The following UNC5D variants were observed in gnomAD, a reference collection of about 807,000 sequenced individuals.
UNC5D encodes the protein netrin receptor UNC5D.
In UNC5D, 39 loss-of-function variants were observed where a neutral mutation model predicts 105.4. That is an observed-to-expected ratio of 0.37 (90% confidence interval 0.29 to 0.48). The LOEUF (loss-of-function observed/expected upper bound fraction) is 0.48, where lower values mean the gene tolerates loss of function less well. UNC5D is among the 20% of genes least tolerant of loss of function. UNC5D has a pLI of 0.98. For missense variants in UNC5D, 991 were observed against 1,202.4 expected (o/e 0.82, Z 2.60); for synonymous variants, 452 against 450.4 (o/e 1.00, Z -0.04).
intron 3 of UNC5D, among the ~76,000 whole-genome samples, chr8:35,588,492 G>A (rs1477581564): frequency 2.0e-5 from 3 of 152,114 alleles, no homozygotes; most frequent in South Asian, 4.1e-4. Context: ...GCAATCACTA[G>A]ATTTATGTGG....
At chr8:35,711,159 G>A (rs965771747) in intron 8 of UNC5D, among the ~76,000 whole-genome samples, 5 of 145,652 alleles carry the variant, frequency 3.4e-5, no homozygotes, top group African/African-American at 5.3e-5. Flanking sequence ...ATCTGGTCCC[G>A]GCTTTCTGTT....
Position 35,790,577 on chromosome 8 carries a change from A to T in UNC5D, c.*14A>T. ...AATGGACTCTAGTCCACTTCCTCCC[A>T]TGAGACAGAGTGATGGCCAGCTTGG... On this transcript the variant is annotated 3_prime_UTR_variant, in exon 17 of 17. Transcript: ENST00000404895. 1 of 1,613,346 alleles carries T rather than the reference A, an allele frequency of 6.2e-7. No individual in the cohort carries two copies. The highest frequency in any genetic ancestry group is 8.5e-7 in the Non-Finnish European group (1 of 1,179,656).
intron 1 of UNC5D, among the ~76,000 whole-genome samples, chr8:35,365,591 C>CAAAAAAAAAAAAAAAAAAAAAAAAAAA (rs10715369): frequency 2.8e-4 from 14 of 49,886 alleles, no homozygotes; most frequent in African/African-American, 4.8e-4. Flanking sequence ...CCATCCCCTG[C>CAAAAAAAAAAAAAAAAAAAAAAAAAAA]AAAAAAAAAA....
At chr8:35,602,033 T>A (rs2130930695) in intron 4 of UNC5D, among the ~76,000 whole-genome samples, 1 of 152,316 alleles carries the variant, frequency 6.6e-6, no homozygotes, top group East Asian at 1.9e-4. Context: ...GTCAAAGGCT[T>A]TTTCTGCATC....
chr8:35,730,255 G>T (rs1360241741), intron 10 of UNC5D, among the ~76,000 whole-genome samples: 1 of 152,180 alleles, frequency 6.6e-6, no homozygotes, highest in Non-Finnish European at 1.5e-5. Flanking sequence ...CGTTTTAGAG[G>T]AAGGAGAGGA....
At chr8:35,483,489 A>C (rs1245150381) in intron 1 of UNC5D, among the ~76,000 whole-genome samples, 1 of 152,206 alleles carries the variant, frequency 6.6e-6, no homozygotes, top group Non-Finnish European at 1.5e-5. Context: ...AGTCTTCCTG[A>C]AGCATACTAT....
At chr8:35,250,260 G>T (rs866699804) in intron 1 of UNC5D, among the ~76,000 whole-genome samples, 29 of 152,188 alleles carry the variant, frequency 1.9e-4, no homozygotes, top group South Asian at 1.0e-3. Context: ...CCAGGGTTTT[G>T]TTTGTTGTTG....
intron 7 of UNC5D, among the ~76,000 whole-genome samples, chr8:35,693,449 T>G (rs953821242): frequency 6.6e-6 from 1 of 152,162 alleles, no homozygotes; most frequent in East Asian, 1.9e-4. Flanking sequence ...CTGGCCTTCA[T>G]CCATTGGTTT....
chr8:35,394,146 C>A (rs1343164510), intron 1 of UNC5D, among the ~76,000 whole-genome samples: 2 of 151,980 alleles, frequency 1.3e-5, no homozygotes, highest in Non-Finnish European at 2.9e-5. Context: ...AGGGGTAGTT[C>A]TTCAAAAGCA....
intron 16 of UNC5D, among the ~76,000 whole-genome samples, chr8:35,787,664 C>G (rs182725582): frequency 6.6e-6 from 1 of 152,290 alleles, no homozygotes; most frequent in East Asian, 1.9e-4. Flanking sequence ...GCTGCCCAGC[C>G]TGGAATGCAG....
At chr8:35,387,011 G>GA (rs1260000329) in intron 1 of UNC5D, among the ~76,000 whole-genome samples, 1 of 120,416 alleles carries the variant, frequency 8.3e-6, no homozygotes, top group Admixed American at 8.7e-5. Flanking sequence ...TGGTGAGAAG[G>GA]AATTCCCCCC....
At chr8:35,700,598 G>A (rs1398663243) in intron 7 of UNC5D, among the ~76,000 whole-genome samples, 1 of 152,164 alleles carries the variant, frequency 6.6e-6, no homozygotes, top group Non-Finnish European at 1.5e-5. Context: ...ATGGAGTCAG[G>A]AAACTTTTCT....
At chr8:35,425,401 T>C (rs1400836554) in intron 1 of UNC5D, among the ~76,000 whole-genome samples, 2 of 152,172 alleles carry the variant, frequency 1.3e-5, no homozygotes, top group African/African-American at 4.8e-5. Flanking sequence ...TTTCAGCTCC[T>C]TAGAGCTTCT....
intron 1 of UNC5D, among the ~76,000 whole-genome samples, chr8:35,501,718 C>T (rs1811985178): frequency 6.6e-6 from 1 of 152,240 alleles, no homozygotes; most frequent in Non-Finnish European, 1.5e-5. Flanking sequence ...AGTTACCCCA[C>T]TCTTACCATC....
intron 1 of UNC5D, among the ~76,000 whole-genome samples, chr8:35,243,033 G>T (rs1014494113): frequency 2.0e-5 from 3 of 152,160 alleles, no homozygotes; most frequent in African/African-American, 7.2e-5. Context: ...AGATGTTAAT[G>T]TGCATTTGAA....
intron 1 of UNC5D, among the ~76,000 whole-genome samples, chr8:35,367,953 A>C (rs1585681965): frequency 6.6e-6 from 1 of 152,060 alleles, no homozygotes; most frequent in South Asian, 2.1e-4. Context: ...ATGTCTCTCT[A>C]TTTTTAATTT....
intron 4 of UNC5D, among the ~76,000 whole-genome samples, chr8:35,676,877 G>A (rs977894416): frequency 1.3e-5 from 2 of 151,668 alleles, no homozygotes; most frequent in African/African-American, 4.9e-5. Flanking sequence ...GACGAGGGGG[G>A]CAAATCTACA....
chr8:35,294,489 A>G (rs1807316457), intron 1 of UNC5D, among the ~76,000 whole-genome samples: 1 of 152,086 alleles, frequency 6.6e-6, no homozygotes, highest in African/African-American at 2.4e-5. Flanking sequence ...GCTGGCATTT[A>G]ATTCTTTTTG....
intron 1 of UNC5D, among the ~76,000 whole-genome samples, chr8:35,338,007 A>G (rs1811179254): frequency 6.6e-6 from 1 of 152,254 alleles, no homozygotes; most frequent in African/African-American, 2.4e-5. Context: ...ATTATTGTAC[A>G]GTATTCATAA....
Sources: allele counts gnomAD v4.1 joint callset (sites outside exome capture counted in the v4.1 genomes callset), GRCh38; gene constraint gnomAD v4.1.1; transcripts MANE v1.5; gene names NCBI Gene and HGNC (gene_info 2026-07-23, HGNC 2026-07-21).